Variants in ARID3A observed in about 807,000 individuals in gnomAD.
ARID3A encodes AT-rich interaction domain 3A.
A neutral mutation model predicts 52.7 loss-of-function variants in ARID3A; 11 were observed. The observed-to-expected ratio is 0.21, with a 90% confidence interval of 0.13 to 0.35. The LOEUF (loss-of-function observed/expected upper bound fraction) is 0.35. ARID3A is among the 10% of genes least tolerant of loss of function. ARID3A has a pLI of 1.00. For synonymous variants in ARID3A, 404 were observed against 359.4 expected (o/e 1.12, Z -1.40); for missense variants, 721 against 838.5 (o/e 0.86, Z 1.73).
intron 3 of ARID3A, among the ~76,000 whole-genome samples, chr19:934,010 T>G (rs1266925940): frequency 6.6e-6 from 1 of 152,154 alleles, no homozygotes; most frequent in Non-Finnish European, 1.5e-5. Flanking sequence ...TTTTCTGGGT[T>G]TAAGATGATA....
chr19:949,191 GC>G (rs561040152), intron 3 of ARID3A, among the ~76,000 whole-genome samples: 6,721 of 152,248 alleles, frequency 0.044, 301 homozygotes, highest in African/African-American at 0.12. Context: ...GCAGAGCAGG[GC>G]CCCAGGGGTG....
chr19:955,427 C>T (rs1030291786), intron 3 of ARID3A, among the ~76,000 whole-genome samples: 1 of 152,212 alleles, frequency 6.6e-6, no homozygotes, highest in Non-Finnish European at 1.5e-5. Context: ...ATCAGTGCCC[C>T]GGCCCCACAG....
Position 932,469 on chromosome 19 carries a change from GGAGGAGGAGGAGGAGGATTACGAGGAT to G in ARID3A, c.438_464del (p.Tyr147_Asp155del), listed in dbSNP as rs1568355500. ...TGGAGGAAGACCTCGGGGAGGATGA[GGAGGAGGAGGAGGAGGATTACGAGGAT>G]GAGGAGGAGGAGGAGGACGAGGAGG... On this transcript the variant is annotated inframe_deletion, in exon 3 of 9. Coordinates refer to ENST00000263620, the MANE Select transcript of ARID3A (RefSeq NM_005224.3). 3 of 1,178,130 alleles carry G rather than the reference GGAGGAGGAGGAGGAGGATTACGAGGAT, an allele frequency of 2.5e-6. No individual in the cohort carries two copies. The highest frequency in any genetic ancestry group is 2.0e-5 in the South Asian group (1 of 51,020). The allele number at this position is 1,178,130 out of a possible 1,614,324, so 73.0% of individuals were successfully genotyped here.
At chr19:945,460 G>T (rs533793636) in intron 3 of ARID3A, among the ~76,000 whole-genome samples, 2 of 152,082 alleles carry the variant, frequency 1.3e-5, no homozygotes, top group South Asian at 4.1e-4. Context: ...GCCCACCTCC[G>T]TCTGCTCCCT....
At chr19:945,513 CT>C (rs1455840837) in intron 3 of ARID3A, among the ~76,000 whole-genome samples, 3 of 152,186 alleles carry the variant, frequency 2.0e-5, no homozygotes, top group Non-Finnish European at 4.4e-5. Flanking sequence ...CGGGCAGAGC[CT>C]TGAGTGACTC....
At position 968,512 on chromosome 19, in the gene ARID3A, CCT is replaced by C. The variant is rs760788965; in HGVS notation, c.1594+10_1594+11del. On this transcript the variant is annotated intron_variant, in intron 8 of 8. Coordinates refer to ENST00000263620, the MANE Select transcript of ARID3A (RefSeq NM_005224.3). ...CGGCATCATGTACACAGGTAGGACC[CCT>C]GAGGCCACGCCCTGCCTGGACCTCG... 2.5e-6 allele frequency: 4 copies of C among 1,612,892 alleles called. No homozygotes were observed. The highest frequency in any genetic ancestry group is 3.4e-6 in the Non-Finnish European group (4 of 1,179,318).
intron 3 of ARID3A, among the ~76,000 whole-genome samples, chr19:937,499 G>A (rs1025698876): frequency 6.6e-6 from 1 of 152,014 alleles, no homozygotes; most frequent in Non-Finnish European, 1.5e-5. Context: ...TTGTAGTGCT[G>A]TACACGTTTT....
chr19:940,956 C>G (rs374830980), intron 3 of ARID3A, among the ~76,000 whole-genome samples: 7 of 152,106 alleles, frequency 4.6e-5, no homozygotes, highest in Non-Finnish European at 2.9e-5. Context: ...CACTGTGCCC[C>G]GGCCCGTGCC....
chr19:939,901 G>T (rs773807734), intron 3 of ARID3A, among the ~76,000 whole-genome samples: 7 of 152,102 alleles, frequency 4.6e-5, no homozygotes, highest in African/African-American at 1.7e-4. Context: ...CGTTTTCTTC[G>T]TCGTGCCCCG....
rs921701437 is a variant in ARID3A, at chr19:968,337, C to G, written c.1496-68C>G. ...TCGCGCCACTGCACTCCAGCCTGGG[C>G]AACAGAGCAAGACTCTGTCTCAAAA... On this transcript the variant is annotated intron_variant, in intron 7 of 8. Coordinates refer to ENST00000263620, the MANE Select transcript of ARID3A (RefSeq NM_005224.3). 2.4e-5 allele frequency: 34 copies of G among 1,398,404 alleles called. No homozygotes were observed. In the African/African-American group the frequency reaches 3.4e-4, roughly 14 times the overall value. The allele number at this position is 1,398,404 out of a possible 1,614,324, so 86.6% of individuals were successfully genotyped here. A position where few individuals can be genotyped will look rare whatever the true frequency, so the allele number is the denominator to read the frequency against.
Position 941,373 on chromosome 19 carries a change from C to T in ARID3A, c.693+8631C>T, listed in dbSNP as rs2037551663. Reference sequence around the variant, plus strand: ...CTCCAAGGCCTCTGCCCACCGGGCACCTGCTGGATTCTGTGGGTCTCGTGT... The same window carrying T: ...CTCCAAGGCCTCTGCCCACCGGGCATCTGCTGGATTCTGTGGGTCTCGTGT... On this transcript the variant is annotated intron_variant, in intron 3 of 8. Coordinates refer to ENST00000263620, the MANE Select transcript of ARID3A (RefSeq NM_005224.3). This position sits in a 1 kb window ranked among gnomAD's most constrained non-coding sequence, Gnocchi z 6.9. Among the ~76,000 whole-genome samples, 1 of 152,232 alleles carries T rather than the reference C, an allele frequency of 6.6e-6. No individual in the cohort carries two copies. Among genetic ancestry groups the T allele is most frequent in the African/African-American group, 2.4e-5 (1 of 41,456 alleles).
intron 3 of ARID3A, among the ~76,000 whole-genome samples, chr19:956,090 G>A (rs902484088): frequency 4.6e-5 from 7 of 152,158 alleles, no homozygotes; most frequent in African/African-American, 1.7e-4. Context: ...GATCACGTCT[G>A]CAAAGGCCCT....
chr19:970,267 C>G (rs917421719), intron 8 of ARID3A, among the ~76,000 whole-genome samples: 1 of 151,596 alleles, frequency 6.6e-6, no homozygotes, highest in African/African-American at 2.4e-5. Flanking sequence ...GAGCCGAGAT[C>G]GCGCCACCGC....
At position 966,884 on chromosome 19, in the gene ARID3A, C is replaced by G. The variant is rs758422938; in HGVS notation, c.1495+16C>G. 6.3e-7 allele frequency: 1 copy of G among 1,589,938 alleles called. No individual in the cohort carries two copies. The highest frequency in any genetic ancestry group is 8.6e-7 in the Non-Finnish European group (1 of 1,163,908). ...AACAGCCAAGGTACTGCCCTCGTGCCCAGACCCGCTGTGCTTCCTGCGTGT... is the reference window on the plus strand; with the variant it reads ...AACAGCCAAGGTACTGCCCTCGTGCGCAGACCCGCTGTGCTTCCTGCGTGT... On this transcript the variant is annotated intron_variant, in intron 7 of 8. Coordinates refer to ENST00000263620, the MANE Select transcript of ARID3A (RefSeq NM_005224.3).
At chr19:928,436 A>G (rs1160386491) in intron 1 of ARID3A, 1 of 151,996 alleles carries the variant, frequency 6.6e-6, no homozygotes, top group Non-Finnish European at 1.5e-5. Context: ...CGTCCGAGAC[A>G]TCTGGCCCAC....
intron 8 of ARID3A, 89 bp downstream of exon 8, chr19:968,592 C>A: frequency 7.8e-7 from 1 of 1,284,218 alleles, no homozygotes; most frequent in Non-Finnish European, 1.1e-6. Flanking sequence ...GTCCCACCTG[C>A]TTGAACCTAG....
chr19:958,549 C>G (rs1005107385), intron 3 of ARID3A, among the ~76,000 whole-genome samples: 1 of 152,158 alleles, frequency 6.6e-6, no homozygotes, highest in Non-Finnish European at 1.5e-5. Flanking sequence ...CATACAATCA[C>G]GTGTTGACAC....
intron 2 of ARID3A, among the ~76,000 whole-genome samples, chr19:931,271 G>A (rs2037320891): frequency 6.6e-6 from 1 of 151,840 alleles, no homozygotes; most frequent in South Asian, 2.1e-4. Context: ...TCCAGCCTGG[G>A]CAACAGAGAA....
At position 941,231 on chromosome 19, in the gene ARID3A, C is replaced by T. The variant is rs1279106075; in HGVS notation, c.693+8489C>T. On this transcript the variant is annotated intron_variant, in intron 3 of 8. Coordinates refer to ENST00000263620, the MANE Select transcript of ARID3A (RefSeq NM_005224.3). The surrounding 1 kb of genome is among the most constrained non-coding windows in gnomAD (Gnocchi z 6.9). ...GGGCGGGGGAATGGGCGTGGTGAGC[C>T]GCCGTGGCGTGCGTGCGAGTGTGCA... 1.3e-5 allele frequency among the ~76,000 whole-genome samples: 2 copies of T among 152,216 alleles called. No homozygotes were observed. Among genetic ancestry groups the T allele is most frequent in the Non-Finnish European group, 2.9e-5 (2 of 68,030 alleles).
Sources: gnomAD v4.1 joint callset for allele counts (sites outside exome capture counted in the v4.1 genomes callset) on GRCh38, gnomAD v4.1.1 for gene constraint, Gnocchi (gnomAD v3.1) non-coding constraint, MANE v1.5 for transcripts, NCBI Gene and HGNC (gene_info 2026-07-23, HGNC 2026-07-21) for gene names.